The following GRIN2A variants were observed in gnomAD, a reference collection of about 807,000 sequenced individuals.
GRIN2A encodes the protein glutamate ionotropic receptor NMDA type subunit 2A.
Under a neutral mutation model 113.4 loss-of-function variants are expected in GRIN2A, and 22 were observed. The observed-to-expected ratio is 0.19, with a 90% CI of 0.14 to 0.28. GRIN2A has a LOEUF of 0.28. GRIN2A is among the 10% of genes least tolerant of loss of function. The pLI, the probability that GRIN2A is intolerant of heterozygous loss-of-function variation, is 1.00. For synonymous variants in GRIN2A, 827 were observed against 738.4 expected, an observed-to-expected ratio of 1.12 and a Z score of -1.94; for missense variants, 1,502 against 1,887.0, an observed-to-expected ratio of 0.80 and a Z score of 3.78.
At chr16:9,972,329 A>C (rs2045689072) in intron 2 of GRIN2A, among the ~76,000 whole-genome samples, 1 of 152,194 alleles carries the variant, frequency 6.6e-6, no homozygotes, top group Non-Finnish European at 1.5e-5. Flanking sequence ...TGCTAGTACA[A>C]TTCAAAATTA....
chr16:10,021,415 C>T (rs1488784687), intron 2 of GRIN2A, among the ~76,000 whole-genome samples: 1 of 152,294 alleles, frequency 6.6e-6, no homozygotes, highest in South Asian at 2.1e-4. Context: ...AATATCCCAG[C>T]AGCTGGTAAG....
chr16:9,890,023 T>A (rs1202766367), intron 4 of GRIN2A, among the ~76,000 whole-genome samples: 1 of 152,144 alleles, frequency 6.6e-6, no homozygotes, highest in Non-Finnish European at 1.5e-5. Context: ...ATGCTTCTGT[T>A]TGTATAGTAT....
At chr16:10,054,822 C>T (rs975662981) in intron 2 of GRIN2A, among the ~76,000 whole-genome samples, 2 of 151,428 alleles carry the variant, frequency 1.3e-5, no homozygotes, top group African/African-American at 4.8e-5. Context: ...CCGAGGTGGG[C>T]GGATCATGAG....
intron 10 of GRIN2A, among the ~76,000 whole-genome samples, chr16:9,806,763 GAA>G (rs1271714816): frequency 3.3e-5 from 5 of 151,730 alleles, no homozygotes; most frequent in Non-Finnish European, 7.4e-5. Flanking sequence ...GAAACTAAGA[GAA>G]AAAAGGGGGG....
chr16:10,078,886 C>T (rs1310959113), intron 2 of GRIN2A, among the ~76,000 whole-genome samples: 2 of 152,222 alleles, frequency 1.3e-5, no homozygotes, highest in African/African-American at 2.4e-5. Context: ...GCCACATCAC[C>T]GTCTCTGCAT....
intron 3 of GRIN2A, among the ~76,000 whole-genome samples, chr16:9,904,521 A>G (rs2043992004): frequency 6.6e-6 from 1 of 152,040 alleles, no homozygotes; most frequent in Admixed American, 6.6e-5. Flanking sequence ...ACAGGTGTGC[A>G]CCACCAAGCC....
Position 9,763,110 on chromosome 16 carries a change from C to A in GRIN2A, c.*39G>T, listed in dbSNP as rs141956850. The A allele has an allele frequency of 6.3e-7, 1 of 1,593,476 alleles. No individual in the cohort carries two copies. The highest frequency in any genetic ancestry group is 1.1e-5 in the South Asian group (1 of 90,638). ...TTACCCTCCAGAACATTGGCCATTA[C>A]GTATATTTCCCTATAGATAAAACAT... On this transcript the variant is annotated 3_prime_UTR_variant, in exon 13 of 13. Coordinates refer to ENST00000330684, the MANE Select transcript of GRIN2A (RefSeq NM_001134407.3).
intron 2 of GRIN2A, among the ~76,000 whole-genome samples, chr16:10,034,079 T>C (rs2046979687): frequency 6.6e-6 from 1 of 152,196 alleles, no homozygotes; most frequent in East Asian, 1.9e-4. Flanking sequence ...GATTAATGCC[T>C]TCCTGATGCC....
intron 2 of GRIN2A, among the ~76,000 whole-genome samples, chr16:10,144,140 C>G (rs10852262): frequency 6.6e-6 from 1 of 151,712 alleles, no homozygotes; most frequent in African/African-American, 2.4e-5. Context: ...TTCCATTACG[C>G]TGGTGCTATT....
intron 2 of GRIN2A, among the ~76,000 whole-genome samples, chr16:9,950,020 AG>A (rs1286270584): frequency 6.6e-6 from 1 of 152,164 alleles, no homozygotes; most frequent in Non-Finnish European, 1.5e-5. Flanking sequence ...AAGGCAGGAA[AG>A]TAATAAACAA....
chr16:10,140,186 A>C lies in GRIN2A; in HGVS notation c.414+39812T>G, dbSNP rs1449922362. Among the ~76,000 whole-genome samples, 3 of 152,348 alleles carry C rather than the reference A, an allele frequency of 2.0e-5. No individual in the cohort carries two copies. In the South Asian group the frequency reaches 6.2e-4, roughly 32 times the overall value. On this transcript the variant is annotated intron_variant, in intron 2 of 12. Coordinates refer to ENST00000330684, the MANE Select transcript of GRIN2A (RefSeq NM_001134407.3). ...TTATGTTCTGTTGATCTGCATTTCT[A>C]AGTGGCAATTGATTGTATGCTGTTA...
chr16:9,941,681 A>G (rs975220666), intron 2 of GRIN2A, among the ~76,000 whole-genome samples: 1 of 152,204 alleles, frequency 6.6e-6, no homozygotes, highest in Non-Finnish European at 1.5e-5. Context: ...GGGGGAAAAA[A>G]AACACTCAGC....
In GRIN2A at chr16:9,927,872, G is replaced by C. The variant is rs556617122; in HGVS notation, c.1007+10087C>G. ...AAGGAAATGAGCACATTTCTCAGGA[G>C]AGCTATTTTCTATCACATGGAAAAC... On this transcript the variant is annotated intron_variant, in intron 3 of 12. Coordinates refer to ENST00000330684, the MANE Select transcript of GRIN2A (RefSeq NM_001134407.3). Among the ~76,000 whole-genome samples the C allele has an allele frequency of 2.6e-5, 4 of 152,276 alleles. No individual in the cohort carries two copies. The East Asian group carries it at 5.8e-4, about 22-fold the overall frequency.
At chr16:10,123,883 C>A (rs987722554) in intron 2 of GRIN2A, among the ~76,000 whole-genome samples, 1 of 152,162 alleles carries the variant, frequency 6.6e-6, no homozygotes, top group African/African-American at 2.4e-5. Context: ...AATAACAGTA[C>A]AAATAGAGCT....
At chr16:9,905,668 T>C (rs2044012526) in intron 3 of GRIN2A, among the ~76,000 whole-genome samples, 1 of 152,196 alleles carries the variant, frequency 6.6e-6, no homozygotes, top group African/African-American at 2.4e-5. Context: ...CCTATGGATA[T>C]ACAATAAGCC....
At chr16:9,976,591 C>T (rs2045777315) in intron 2 of GRIN2A, among the ~76,000 whole-genome samples, 1 of 152,226 alleles carries the variant, frequency 6.6e-6, no homozygotes, top group African/African-American at 2.4e-5. Context: ...CTCAGAAGTG[C>T]TGGTGGCATT....
Position 9,753,687 on chromosome 16 carries a change from T to G in GRIN2A, c.*9462A>C, listed in dbSNP as rs571935705. 5.1e-6 allele frequency: 1 copy of G among 194,498 alleles called. No homozygotes were observed. The highest frequency in any genetic ancestry group is 1.1e-5 in the Non-Finnish European group (1 of 93,422). 12.0% of individuals were successfully genotyped at this position (194,498 alleles called of 1,614,324 possible). On this transcript the variant is annotated 3_prime_UTR_variant, in exon 13 of 13. Coordinates refer to ENST00000330684, the MANE Select transcript of GRIN2A (RefSeq NM_001134407.3). ...TTTTGTAGCTATGCTTGGAAATATTTAATACACTTATTAGCACTTCCTCAT... is the reference window on the plus strand; with the variant it reads ...TTTTGTAGCTATGCTTGGAAATATTGAATACACTTATTAGCACTTCCTCAT...
chr16:9,816,561 C>T (rs888634726), intron 10 of GRIN2A, among the ~76,000 whole-genome samples: 3 of 152,124 alleles, frequency 2.0e-5, no homozygotes, highest in African/African-American at 4.8e-5. Flanking sequence ...GTTCTAGGGA[C>T]GTTGTTTAAT....
rs1900484808 is a variant in GRIN2A at position 9,759,386 on chromosome 16, A to C, written c.*3763T>G. On this transcript the variant is annotated 3_prime_UTR_variant, in exon 13 of 13. Coordinates refer to ENST00000330684, the MANE Select transcript of GRIN2A (RefSeq NM_001134407.3). ...GAAGGATGCAGAATATTAAATACAC[A>C]TCAGTGGTCGACATAGCAAATAGAA... is the stretch of plus-strand genomic sequence containing the variant. 1 of 225,114 alleles carries C rather than the reference A, an allele frequency of 4.4e-6. No individual in the cohort carries two copies. Among genetic ancestry groups the C allele is most frequent in the Admixed American group, 5.7e-5 (1 of 17,572 alleles). The allele number at this position is 225,114 out of a possible 1,614,324, so 13.9% of individuals were successfully genotyped here. A position where few individuals can be genotyped will look rare whatever the true frequency, so the allele number is the denominator to read the frequency against.
Sources: gnomAD v4.1 joint callset for allele counts (sites outside exome capture counted in the v4.1 genomes callset) on GRCh38, gnomAD v4.1.1 for gene constraint, MANE v1.5 for transcripts, NCBI Gene and HGNC (gene_info 2026-07-23, HGNC 2026-07-21) for gene names.